The following COA1 variants were observed in gnomAD, a reference collection of about 807,000 sequenced individuals.
COA1 encodes the protein cytochrome c oxidase assembly factor 1 homolog.
In COA1, 13 loss-of-function variants were observed where a neutral mutation model predicts 16.0. That is an observed-to-expected ratio of 0.81 (90% CI 0.53 to 1.29). The LOEUF is 1.29. COA1 is among the 50% of genes most tolerant of loss of function. COA1 has a pLI of 0.00. For missense variants in COA1, 179 were observed against 177.0 expected (o/e 1.01, Z -0.06); for synonymous variants, 65 against 65.7 (o/e 0.99, Z 0.05).
intron 4 of COA1, chr7:43,640,901 G>C (rs2086880107): frequency 5.1e-6 from 2 of 393,692 alleles, no homozygotes; most frequent in Admixed American, 4.8e-5. Flanking sequence ...CAATGCTCTG[G>C]GTACTTCCAA....
At chr7:43,691,283 AAGAAAGAAAGAAAGAAAGAAAGAAAG>A (rs2094295043) in intron 1 of COA1, among the ~76,000 whole-genome samples, 2 of 53,276 alleles carry the variant, frequency 3.8e-5, no homozygotes, top group African/African-American at 1.1e-4. Flanking sequence ...GAAAGAAAGA[AAGAAAGAAAGAAAGAAAGAAAGAAAG>A]AAAGAAAGAA....
At chr7:43,643,067 T>C (rs1424489506) in intron 4 of COA1, among the ~76,000 whole-genome samples, 1 of 152,140 alleles carries the variant, frequency 6.6e-6, no homozygotes, top group Non-Finnish European at 1.5e-5. Context: ...TCACAGCATT[T>C]GGCCGCAGTA....
intron 1 of COA1, among the ~76,000 whole-genome samples, chr7:43,713,594 G>A (rs200744601): frequency 6.6e-6 from 1 of 152,148 alleles, no homozygotes; most frequent in East Asian, 1.9e-4. Context: ...AATTGGGGTA[G>A]GAGATTGTTG....
chr7:43,614,326 G>A (rs1285842679), intron 6 of COA1, among the ~76,000 whole-genome samples: 1 of 152,126 alleles, frequency 6.6e-6, no homozygotes. Flanking sequence ...GATTGACCTT[G>A]CTTCTTTCTC....
chr7:43,640,778 T>G lies in COA1; in HGVS notation c.265-129A>C, dbSNP rs568933119. The G allele has an allele frequency of 4.6e-6, 3 of 646,162 alleles. No homozygotes were observed. In the African/African-American group the frequency reaches 5.8e-5, roughly 12 times the overall value. 40.0% of individuals were successfully genotyped at this position (646,162 alleles called of 1,614,324 possible). A position where few individuals can be genotyped will look rare whatever the true frequency, so the allele number is the denominator to read the frequency against. ...GTGATTCTCCACAGAAGTGAGTTCTTTTCTAACAGCCCAGCTGGAGAATCC... is the reference window on the plus strand; with the variant it reads ...GTGATTCTCCACAGAAGTGAGTTCTGTTCTAACAGCCCAGCTGGAGAATCC... On this transcript the variant is annotated intron_variant, in intron 4 of 5. Transcript: ENST00000223336.
At chr7:43,634,947 G>A (rs2085614228), downstream of COA1, among the ~76,000 whole-genome samples, 1 of 152,110 alleles carries the variant, frequency 6.6e-6, no homozygotes, top group Non-Finnish European at 1.5e-5. Context: ...GAAGTTCCTA[G>A]CCATTTGGTC....
chr7:43,636,958 G>C (rs1223896998), downstream of COA1, among the ~76,000 whole-genome samples: 2 of 151,862 alleles, frequency 1.3e-5, no homozygotes, highest in Non-Finnish European at 2.9e-5. Flanking sequence ...ACCTTTCCAG[G>C]CCTCTCTTTT....
At chr7:43,609,841 G>C (rs10282334) in intron 6 of COA1, among the ~76,000 whole-genome samples, 3 of 152,040 alleles carry the variant, frequency 2.0e-5, no homozygotes, top group Admixed American at 2.0e-4. Flanking sequence ...CTCACACCAC[G>C]ATCATCTACT....
At chr7:43,670,142 T>A (rs2093165663) in intron 1 of COA1, among the ~76,000 whole-genome samples, 1 of 152,080 alleles carries the variant, frequency 6.6e-6, no homozygotes, top group Non-Finnish European at 1.5e-5. Flanking sequence ...TATGCATATA[T>A]TAATGGATGT....
chr7:43,663,304 A>C (rs1363458247), intron 1 of COA1, among the ~76,000 whole-genome samples: 3 of 152,214 alleles, frequency 2.0e-5, no homozygotes, highest in African/African-American at 7.2e-5. Context: ...TAATGAGCCA[A>C]TTAAACTTCT....
intron 1 of COA1, among the ~76,000 whole-genome samples, chr7:43,708,711 T>C (rs1304969090): frequency 2.0e-5 from 3 of 152,194 alleles, no homozygotes; most frequent in Non-Finnish European, 4.4e-5. Context: ...TTTTTCTCTC[T>C]TACCCATTAT....
chr7:43,723,860 A>G (rs144044189), intron 1 of COA1, among the ~76,000 whole-genome samples: 2 of 152,262 alleles, frequency 1.3e-5, no homozygotes, highest in East Asian at 3.9e-4. Flanking sequence ...CCATGAGGTC[A>G]AGGCTGCACT....
Position 43,640,621 on chromosome 7 carries a change from GATTTGGAT to G in COA1, c.285_292del (p.Ser96ArgfsTer20), listed in dbSNP as rs2086808503. The G allele has an allele frequency of 5.6e-6, 9 of 1,607,824 alleles. No homozygotes were observed. Among genetic ancestry groups the G allele is most frequent in the Non-Finnish European group, 7.6e-6 (9 of 1,177,612 alleles). ...TGAGTGGACGTAGAGAAGGCCCTCTGATTTGGATCCAGAGACAGGAATCTTCAACTGTG... is the reference window on the plus strand; with the variant it reads ...TGAGTGGACGTAGAGAAGGCCCTCTGCCAGAGACAGGAATCTTCAACTGTG... On this transcript the variant is annotated frameshift_variant, in exon 5 of 6. Coordinates refer to ENST00000223336, the MANE Select transcript of COA1 (RefSeq NM_018224.4). LOFTEE classifies it low-confidence loss of function (END_TRUNC).
At position 43,647,400 on chromosome 7, in the gene COA1, T is replaced by G. The variant is rs535418760; in HGVS notation, c.115+135A>C. On this transcript the variant is annotated intron_variant, in intron 3 of 5. Coordinates refer to ENST00000223336, the MANE Select transcript of COA1 (RefSeq NM_018224.4). ...ACAGAGGAAGCTATAGCCAACGAAA[T>G]GGTGGACTAGCCTTTAAAATCACCC... 8.6e-5 allele frequency: 60 copies of G among 698,330 alleles called. No homozygotes were observed. In the East Asian group the frequency reaches 1.6e-3, roughly 19 times the overall value. The allele number at this position is 698,330 out of a possible 1,614,324, so 43.3% of individuals were successfully genotyped here.
intron 1 of COA1, among the ~76,000 whole-genome samples, chr7:43,686,305 CTTTT>C (rs770784003): frequency 7.9e-6 from 1 of 126,106 alleles, no homozygotes; most frequent in Non-Finnish European, 1.7e-5. Flanking sequence ...GGCTTTGTTT[CTTTT>C]TTTTTTTTTT....
At chr7:43,622,972 G>C (rs889364187) in intron 6 of COA1, 1 of 152,454 alleles carries the variant, frequency 6.6e-6, no homozygotes, top group Non-Finnish European at 1.5e-5. Context: ...AAAGTGCTGG[G>C]TACCCAGCCT....
At chr7:43,664,103 A>AG (rs2092695982) in intron 1 of COA1, among the ~76,000 whole-genome samples, 1 of 135,144 alleles carries the variant, frequency 7.4e-6, no homozygotes, top group Admixed American at 7.4e-5. Flanking sequence ...TGTCTTTAGA[A>AG]AGAGAGAGAG....
intron 6 of COA1, among the ~76,000 whole-genome samples, chr7:43,620,679 A>AG (rs1333130857): frequency 6.6e-6 from 1 of 151,964 alleles, no homozygotes; most frequent in Non-Finnish European, 1.5e-5. Context: ...GTCTCAAAAA[A>AG]AAAAAAAAGA....
At position 43,645,491 on chromosome 7, in the gene COA1, G is replaced by C. The variant is rs1006477648; in HGVS notation, c.116-92C>G. 1.1e-5 allele frequency: 13 copies of C among 1,146,814 alleles called. No homozygotes were observed. The African/African-American group carries it at 2.0e-4, about 18-fold the overall frequency. 71.0% of individuals were successfully genotyped at this position (1,146,814 alleles called of 1,614,324 possible). On this transcript the variant is annotated intron_variant, in intron 3 of 5. Transcript: ENST00000223336. ...ATTAAATAATCCAACTGACGTACAG[G>C]GTAGAAACAGAAACGTGAAATCTGT...
Sources: allele counts gnomAD v4.1 joint callset (sites outside exome capture counted in the v4.1 genomes callset), GRCh38; gene constraint gnomAD v4.1.1; transcripts MANE v1.5; gene names NCBI Gene and HGNC (gene_info 2026-07-23, HGNC 2026-07-21).